Variants in DNER observed in about 807,000 individuals in gnomAD.
The protein encoded by DNER is delta and Notch-like epidermal growth factor-related receptor.
Under a neutral mutation model 78.2 loss-of-function variants are expected in DNER, and 33 were observed. That is an observed-to-expected ratio of 0.42 (90% CI 0.32 to 0.56). The LOEUF is 0.56. DNER is among the 20% of genes least tolerant of loss of function. DNER has a pLI of 0.11. For synonymous variants in DNER, 417 were observed against 384.8 expected (o/e 1.08, Z -0.98); for missense variants, 918 against 975.3 (o/e 0.94, Z 0.78).
At chr2:229,535,703 G>T (rs892594456) in intron 5 of DNER, among the ~76,000 whole-genome samples, 6 of 152,034 alleles carry the variant, frequency 3.9e-5, no homozygotes, top group African/African-American at 1.4e-4. Context: ...GAGTACAGTG[G>T]CATGATCTCG....
At chr2:229,450,031 C>T (rs1383106619) in intron 7 of DNER, among the ~76,000 whole-genome samples, 2 of 152,204 alleles carry the variant, frequency 1.3e-5, no homozygotes, top group Non-Finnish European at 2.9e-5. Context: ...CAACCTGCCT[C>T]GGCCTCCCAA....
intron 1 of DNER, among the ~76,000 whole-genome samples, chr2:229,668,749 G>A (rs1331423067): frequency 6.6e-6 from 1 of 151,406 alleles, no homozygotes; most frequent in Non-Finnish European, 1.5e-5. Context: ...TGGAAAAATA[G>A]GAATGCTTTT....
Position 229,618,477 on chromosome 2 carries a change from A to G in DNER, c.277-26589T>C, listed in dbSNP as rs535313288. 2.3e-4 allele frequency among the ~76,000 whole-genome samples: 35 copies of G among 152,292 alleles called. No individual in the cohort carries two copies. The South Asian group carries it at 7.2e-3, about 32-fold the overall frequency. On this transcript the variant is annotated intron_variant, in intron 1 of 12. Transcript: ENST00000341772. ...GCTCCATAATTCTCAACTCAAACTC[A>G]TGTCTTCATGAAGGCCTATTTCCAA...
chr2:229,668,772 G>A (rs1162346681), intron 1 of DNER, among the ~76,000 whole-genome samples: 3 of 151,458 alleles, frequency 2.0e-5, no homozygotes, highest in Non-Finnish European at 4.4e-5. Flanking sequence ...ACTGTTGGTA[G>A]GAGTGTAAAT....
intron 1 of DNER, among the ~76,000 whole-genome samples, chr2:229,632,462 G>C (rs890200083): frequency 6.6e-6 from 1 of 152,142 alleles, no homozygotes; most frequent in Non-Finnish European, 1.5e-5. Context: ...ACTAAGGCTT[G>C]TCTCCTTAAT....
chr2:229,593,274 A>C (rs1485107067), intron 1 of DNER, among the ~76,000 whole-genome samples: 1 of 152,150 alleles, frequency 6.6e-6, no homozygotes, highest in Non-Finnish European at 1.5e-5. Context: ...CCTCCCTTGT[A>C]GCCTACTGTC....
intron 7 of DNER, among the ~76,000 whole-genome samples, chr2:229,469,350 G>A (rs1210406134): frequency 1.3e-5 from 2 of 152,130 alleles, no homozygotes; most frequent in African/African-American, 2.4e-5. Context: ...CTGACAAATG[G>A]CATAATAATA....
intron 7 of DNER, among the ~76,000 whole-genome samples, chr2:229,470,904 C>A (rs1169451225): frequency 1.2e-4 from 18 of 152,054 alleles, no homozygotes; most frequent in Admixed American, 1.2e-3. Context: ...AATCTTAATA[C>A]CCTGCTTTGA....
At chr2:229,595,472 A>T (rs1167577716) in intron 1 of DNER, among the ~76,000 whole-genome samples, 1 of 152,030 alleles carries the variant, frequency 6.6e-6, no homozygotes, top group Non-Finnish European at 1.5e-5. Context: ...GTTAGAGACG[A>T]GGTTTCACCA....
chr2:229,638,339 G>A (rs1466051824), intron 1 of DNER, among the ~76,000 whole-genome samples: 1 of 152,156 alleles, frequency 6.6e-6, no homozygotes, highest in Non-Finnish European at 1.5e-5. Context: ...ATTACCTATA[G>A]TAATCAAAGC....
At chr2:229,432,053 G>A (rs1694017348) in intron 8 of DNER, among the ~76,000 whole-genome samples, 1 of 152,166 alleles carries the variant, frequency 6.6e-6, no homozygotes, top group South Asian at 2.1e-4. Flanking sequence ...GCAAATGTTT[G>A]TAATACCATG....
chr2:229,562,942 C>T (rs1696988218), intron 4 of DNER, among the ~76,000 whole-genome samples: 1 of 148,856 alleles, frequency 6.7e-6, no homozygotes, highest in Non-Finnish European at 1.5e-5. Context: ...TCATCATCAA[C>T]ATCATCATCC....
intron 7 of DNER, among the ~76,000 whole-genome samples, chr2:229,472,101 T>TTGACTTCA (rs1694936792): frequency 6.6e-6 from 1 of 152,248 alleles, no homozygotes; most frequent in African/African-American, 2.4e-5. Flanking sequence ...GTTGTAATAC[T>TTGACTTCA]TGACTTCATA....
At chr2:229,621,806 C>T (rs574586577) in intron 1 of DNER, among the ~76,000 whole-genome samples, 1 of 152,298 alleles carries the variant, frequency 6.6e-6, no homozygotes, top group South Asian at 2.1e-4. Context: ...TATAAAAGGG[C>T]CGGGCGCAGT....
intron 1 of DNER, among the ~76,000 whole-genome samples, chr2:229,604,343 C>CA (rs1697892630): frequency 6.6e-6 from 1 of 152,140 alleles, no homozygotes; most frequent in South Asian, 2.1e-4. Context: ...AGTAGGCTCT[C>CA]AAAAAATATT....
At chr2:229,514,607 T>C (rs916595412) in intron 5 of DNER, among the ~76,000 whole-genome samples, 3 of 152,234 alleles carry the variant, frequency 2.0e-5, no homozygotes, top group Admixed American at 1.3e-4. Context: ...TCCACTTAAG[T>C]CATTATACAA....
At chr2:229,696,143 C>T (rs577312314) in intron 1 of DNER, among the ~76,000 whole-genome samples, 1 of 152,260 alleles carries the variant, frequency 6.6e-6, no homozygotes, top group African/African-American at 2.4e-5. Flanking sequence ...GTCTTTTAGC[C>T]CTGCTTTGGC....
intron 4 of DNER, among the ~76,000 whole-genome samples, chr2:229,578,696 C>T (rs1043808701): frequency 5.9e-5 from 9 of 152,166 alleles, no homozygotes; most frequent in Non-Finnish European, 8.8e-5. Context: ...TCCAAAATCA[C>T]TCTCTCTGTC....
chr2:229,464,699 A>T (rs1399812791), intron 7 of DNER, among the ~76,000 whole-genome samples: 4 of 152,174 alleles, frequency 2.6e-5, no homozygotes, highest in South Asian at 2.1e-4. Flanking sequence ...GTAAATAGGT[A>T]TCCTCAGTCA....
Sources: gnomAD v4.1 joint callset for allele counts (sites outside exome capture counted in the v4.1 genomes callset) on GRCh38, gnomAD v4.1.1 for gene constraint, MANE v1.5 for transcripts, NCBI Gene and HGNC (gene_info 2026-07-23, HGNC 2026-07-21) for gene names.